CTNNA3: variants seen among roughly 807,000 people sequenced by gnomAD.
CTNNA3 encodes catenin alpha 3, also known as catenin alpha-3.
Under a neutral mutation model 95.7 loss-of-function variants are expected in CTNNA3, and 76 were observed. The ratio of observed to expected loss-of-function variants is 0.79; its 90% CI spans 0.66 to 0.96. CTNNA3 has a LOEUF of 0.96. Among genes scored for constraint, CTNNA3 ranks in the 40% least tolerant of loss-of-function variants. CTNNA3 has a pLI of 0.00. For missense variants in CTNNA3, 1,191 were observed against 1,089.8 expected, an observed-to-expected ratio of 1.09 and a Z score of -1.31; for synonymous variants, 431 against 374.4, an observed-to-expected ratio of 1.15 and a Z score of -1.74.
chr10:67,126,057 TCA>T (rs959902046), intron 7 of CTNNA3, among the ~76,000 whole-genome samples: 3 of 152,162 alleles, frequency 2.0e-5, no homozygotes, highest in African/African-American at 4.8e-5. Flanking sequence ...GAAATGCCTT[TCA>T]CAGCAAAGAA....
At chr10:66,011,688 C>A (rs1275142979) in intron 15 of CTNNA3, among the ~76,000 whole-genome samples, 1 of 152,160 alleles carries the variant, frequency 6.6e-6, no homozygotes, top group Non-Finnish European at 1.5e-5. Context: ...ACTTCTAATT[C>A]TTGTCCCATA....
At chr10:66,534,147 TC>T (rs1293227444) in intron 10 of CTNNA3, among the ~76,000 whole-genome samples, 1 of 152,058 alleles carries the variant, frequency 6.6e-6, no homozygotes, top group Admixed American at 6.6e-5. Flanking sequence ...AAGTGTGATT[TC>T]CCCCATGGAA....
chr10:66,922,403 AG>A (rs1846837368), intron 7 of CTNNA3, among the ~76,000 whole-genome samples: 1 of 152,214 alleles, frequency 6.6e-6, no homozygotes, highest in Non-Finnish European at 1.5e-5. Flanking sequence ...TTTAGAACAC[AG>A]TCTTTTCTTT....
chr10:67,290,788 G>C (rs1839805624), intron 5 of CTNNA3, among the ~76,000 whole-genome samples: 1 of 152,048 alleles, frequency 6.6e-6, no homozygotes, highest in Non-Finnish European at 1.5e-5. Context: ...AGAGCAAATG[G>C]CTAACAATAT....
intron 11 of CTNNA3, among the ~76,000 whole-genome samples, chr10:66,508,011 G>T (rs1249921117): frequency 6.6e-6 from 1 of 151,826 alleles, no homozygotes; most frequent in Non-Finnish European, 1.5e-5. Context: ...ATCCTTGTTA[G>T]CATTTTTTTT....
intron 9 of CTNNA3, among the ~76,000 whole-genome samples, chr10:66,650,945 G>A (rs183215496): frequency 1.1e-4 from 17 of 152,214 alleles, no homozygotes; most frequent in Admixed American, 2.6e-4. Context: ...CCGCTGGCTC[G>A]GGCAGCCTCC....
At chr10:66,710,119 G>A (rs768676390) in intron 9 of CTNNA3, among the ~76,000 whole-genome samples, 23 of 152,144 alleles carry the variant, frequency 1.5e-4, no homozygotes, top group Non-Finnish European at 3.2e-4. Context: ...AAACAGATGT[G>A]AGAATTGAGA....
intron 7 of CTNNA3, among the ~76,000 whole-genome samples, chr10:66,986,135 A>G (rs1850717101): frequency 6.6e-6 from 1 of 152,178 alleles, no homozygotes; most frequent in African/African-American, 2.4e-5. Context: ...CTGTCTGGTT[A>G]ATCAGTATGT....
Position 67,407,680 on chromosome 10 carries a change from C to T in CTNNA3, c.579+114162G>A, listed in dbSNP as rs533622829. 2.0e-4 allele frequency among the ~76,000 whole-genome samples: 30 copies of T among 152,236 alleles called. No homozygotes were observed. The South Asian group carries it at 6.0e-3, about 31-fold the overall frequency. ...ATCTAGAAAACCCCACTGACTCACC[C>T]CAAAAGCTTCTTAAGGTGATAAGCA... On this transcript the variant is annotated intron_variant, in intron 5 of 17. Transcript: ENST00000433211.
In CTNNA3 at chr10:66,466,699, G is replaced by A. The variant is rs192514618; in HGVS notation, c.1531+53918C>T. On this transcript the variant is annotated intron_variant, in intron 11 of 17. Coordinates refer to ENST00000433211, the MANE Select transcript of CTNNA3 (RefSeq NM_013266.4). ...CTCACTCTAAATCCTCACAACACAA[G>A]TGGGATTTATGAGCTAGTAGCATTG... 7.2e-5 allele frequency among the ~76,000 whole-genome samples: 11 copies of A among 152,160 alleles called. No individual in the cohort carries two copies. The East Asian group carries it at 2.1e-3, about 30-fold the overall frequency.
At chr10:66,775,144 A>G (rs1165958368) in intron 8 of CTNNA3, among the ~76,000 whole-genome samples, 1 of 152,134 alleles carries the variant, frequency 6.6e-6, no homozygotes, top group East Asian at 1.9e-4. Context: ...ATTTCATTGT[A>G]TAGGTTCAAA....
At chr10:67,404,886 GA>G (rs965142892) in intron 5 of CTNNA3, among the ~76,000 whole-genome samples, 1 of 152,218 alleles carries the variant, frequency 6.6e-6, no homozygotes, top group African/African-American at 2.4e-5. Context: ...ATGCAAGCCA[GA>G]AGAGATTGGG....
intron 7 of CTNNA3, among the ~76,000 whole-genome samples, chr10:67,068,719 A>T (rs1856246883): frequency 6.6e-6 from 1 of 152,212 alleles, no homozygotes; most frequent in African/African-American, 2.4e-5. Context: ...AAAAAGACTA[A>T]AATAATCCAT....
At chr10:66,620,885 A>T (rs556241548) in intron 10 of CTNNA3, among the ~76,000 whole-genome samples, 86 of 152,256 alleles carry the variant, frequency 5.6e-4, no homozygotes, top group African/African-American at 1.9e-3. Flanking sequence ...TAAAGTCCCT[A>T]ATCTTTGTTA....
At chr10:67,094,007 A>G (rs1857817573) in intron 7 of CTNNA3, among the ~76,000 whole-genome samples, 1 of 151,956 alleles carries the variant, frequency 6.6e-6, no homozygotes, top group African/African-American at 2.4e-5. Flanking sequence ...TGTGTTGCAC[A>G]CTCAGCATCT....
At chr10:67,452,350 C>T (rs1001305834) in intron 5 of CTNNA3, among the ~76,000 whole-genome samples, 3 of 152,048 alleles carry the variant, frequency 2.0e-5, no homozygotes, top group African/African-American at 7.2e-5. Flanking sequence ...CTATCATAAA[C>T]AATTCATTAT....
chr10:67,732,443 TGA>T (rs1841280612), intron 1 of CTNNA3, among the ~76,000 whole-genome samples: 1 of 152,190 alleles, frequency 6.6e-6, no homozygotes, highest in African/African-American at 2.4e-5. Context: ...TTTATCTTCT[TGA>T]TAAGTAAAAA....
intron 12 of CTNNA3, among the ~76,000 whole-genome samples, chr10:66,309,161 A>C (rs187473073): frequency 6.6e-6 from 1 of 152,290 alleles, no homozygotes; most frequent in Non-Finnish European, 1.5e-5. Context: ...ATTTTAGAGG[A>C]AATTTTATCT....
intron 7 of CTNNA3, among the ~76,000 whole-genome samples, chr10:67,163,716 T>A (rs1861646181): frequency 6.6e-6 from 1 of 152,036 alleles, no homozygotes; most frequent in African/African-American, 2.4e-5. Context: ...TAATTTTCTA[T>A]GTAGAAAATC....
Sources: gnomAD v4.1 joint callset for allele counts (sites outside exome capture counted in the v4.1 genomes callset) on GRCh38, gnomAD v4.1.1 for gene constraint, MANE v1.5 for transcripts, NCBI Gene and HGNC (gene_info 2026-07-23, HGNC 2026-07-21) for gene names.